TBC1D9: variants seen among roughly 807,000 people sequenced by gnomAD.
The protein encoded by TBC1D9 is TBC1 domain family member 9A.
In TBC1D9, 63 loss-of-function variants were observed where a neutral mutation model predicts 132.0. The ratio of observed to expected loss-of-function variants is 0.48; its 90% CI spans 0.39 to 0.59. The LOEUF (loss-of-function observed/expected upper bound fraction) is 0.59, where lower values mean the gene tolerates loss of function less well. TBC1D9 is among the 20% of genes least tolerant of loss of function. The pLI, the probability that TBC1D9 is intolerant of heterozygous loss-of-function variation, is 0.00. For missense variants in TBC1D9, 1,261 were observed against 1,592.7 expected (o/e 0.79, Z 3.54); for synonymous variants, 610 against 609.9 (o/e 1.00, Z 0.00).
At chr4:140,675,232 G>A (rs1429486992) in intron 6 of TBC1D9, among the ~76,000 whole-genome samples, 1 of 77,602 alleles carries the variant, frequency 1.3e-5, no homozygotes, top group Admixed American at 1.1e-4. Context: ...TTATTTGTCT[G>A]TATTTTACAA....
At chr4:140,731,891 A>C (rs1418500953) in intron 1 of TBC1D9, among the ~76,000 whole-genome samples, 1 of 152,188 alleles carries the variant, frequency 6.6e-6, no homozygotes. Flanking sequence ...AATGTGCCTT[A>C]ACTGGTATAT....
chr4:140,740,563 CTAAT>C (rs1738743647), intron 1 of TBC1D9, among the ~76,000 whole-genome samples: 2 of 152,188 alleles, frequency 1.3e-5, no homozygotes, highest in African/African-American at 4.8e-5. Context: ...TCACTAGGCA[CTAAT>C]TAAAGTGTCC....
intron 13 of TBC1D9, chr4:140,642,708 C>G (rs1304451691): frequency 1.5e-6 from 1 of 661,492 alleles, no homozygotes; most frequent in Non-Finnish European, 2.7e-6. Context: ...TTGTGTTCCT[C>G]CTTGGGCCCT....
At chr4:140,724,112 A>G (rs1738463355) in intron 1 of TBC1D9, among the ~76,000 whole-genome samples, 1 of 152,200 alleles carries the variant, frequency 6.6e-6, no homozygotes, top group South Asian at 2.1e-4. Flanking sequence ...TTGAGATACT[A>G]AATGTCATAA....
chr4:140,679,711 A>G lies in TBC1D9; in HGVS notation c.493T>C (p.Ser165Pro), dbSNP rs1385082764. The G allele has an allele frequency of 1.2e-6, 2 of 1,613,824 alleles. No individual in the cohort carries two copies. The highest frequency in any genetic ancestry group is 2.2e-5 in the South Asian group (2 of 91,070). The stretch of plus-strand genomic sequence containing the variant: ...ACCTTCCCCTTCCAATAGCTGCAAG[A>G]GTAATAGTTGACGAGTTTCTCTTCC... ...PEEEKLVNYY[S>P]CSYWKGKVPR... Residue 165 changes from serine (S) to proline (P), a missense_variant, in exon 4 of 21, where the codon TCT becomes CCT. Around this residue, in one of 3 missense-constraint regions of TBC1D9, gnomAD observed 550 missense variants for 699.0 expected, o/e 0.79. Coordinates refer to ENST00000442267, the MANE Select transcript of TBC1D9 (RefSeq NM_015130.3).
intron 13 of TBC1D9, among the ~76,000 whole-genome samples, chr4:140,640,450 G>A (rs182826297): frequency 6.7e-6 from 1 of 148,166 alleles, no homozygotes; most frequent in Admixed American, 6.7e-5. Context: ...GGTGGGGTGG[G>A]GGGGGGAGTA....
At chr4:140,632,624 C>T (rs1024458681) in intron 16 of TBC1D9, among the ~76,000 whole-genome samples, 1 of 152,144 alleles carries the variant, frequency 6.6e-6, no homozygotes, top group African/African-American at 2.4e-5. Flanking sequence ...CAACAAGTTA[C>T]TTTAACTTTT....
intron 2 of TBC1D9, among the ~76,000 whole-genome samples, chr4:140,687,356 A>G (rs199636753): frequency 0.37 from 30,164 of 81,824 alleles, 6,622 homozygotes; most frequent in African/African-American, 0.55. Flanking sequence ...ATATATATAT[A>G]TATATATATA....
intron 1 of TBC1D9, among the ~76,000 whole-genome samples, chr4:140,745,689 T>G (rs1394114080): frequency 6.6e-6 from 1 of 152,218 alleles, no homozygotes; most frequent in Admixed American, 6.5e-5. Context: ...GTAAGGCTTC[T>G]GGTCAACAGT....
intron 13 of TBC1D9, chr4:140,642,847 C>T (rs1013609656): frequency 8.6e-6 from 5 of 578,128 alleles, no homozygotes; most frequent in Non-Finnish European, 1.2e-5. Flanking sequence ...CTCTCGGGGG[C>T]GTGGGTCTGT....
chr4:140,627,059 T>G (rs564596057), intron 18 of TBC1D9, among the ~76,000 whole-genome samples: 115 of 152,390 alleles, frequency 7.5e-4, no homozygotes, highest in African/African-American at 2.6e-3. Flanking sequence ...GGCTATAGTT[T>G]GCCAACTTCT....
At chr4:140,645,107 G>A (rs987605190) in intron 13 of TBC1D9, 5 of 549,888 alleles carry the variant, frequency 9.1e-6, no homozygotes, top group African/African-American at 7.7e-5. Context: ...TGGGGTTCAG[G>A]CCTTTAGGAG....
At chr4:140,651,656 T>G (rs1737189109) in intron 13 of TBC1D9, among the ~76,000 whole-genome samples, 1 of 152,158 alleles carries the variant, frequency 6.6e-6, no homozygotes, top group Non-Finnish European at 1.5e-5. Flanking sequence ...TAGAGACACA[T>G]AATGAAGAAT....
intron 13 of TBC1D9, among the ~76,000 whole-genome samples, chr4:140,656,119 G>A (rs1423142544): frequency 6.6e-6 from 1 of 152,202 alleles, no homozygotes; most frequent in Non-Finnish European, 1.5e-5. Flanking sequence ...AGCTAGCACA[G>A]AACTACTTAC....
intron 3 of TBC1D9, 75 bp downstream of exon 3, chr4:140,686,269 C>T (rs1737777957): frequency 3.1e-6 from 3 of 981,038 alleles, no homozygotes; most frequent in African/African-American, 3.2e-5. Context: ...ATGTTTTACT[C>T]AATTCTTATT....
chr4:140,705,161 G>A (rs1384848765), intron 1 of TBC1D9, among the ~76,000 whole-genome samples: 1 of 152,156 alleles, frequency 6.6e-6, no homozygotes, highest in Non-Finnish European at 1.5e-5. Flanking sequence ...TATTAACCCA[G>A]AAGTGCTGAG....
At chr4:140,675,325 G>A (rs568229047) in intron 6 of TBC1D9, among the ~76,000 whole-genome samples, 27 of 152,116 alleles carry the variant, frequency 1.8e-4, no homozygotes, top group Admixed American at 5.9e-4. Context: ...AAAAGATAAA[G>A]AAGGCAGAGA....
At chr4:140,746,166 C>T (rs886597815) in intron 1 of TBC1D9, among the ~76,000 whole-genome samples, 16 of 152,198 alleles carry the variant, frequency 1.1e-4, no homozygotes, top group Non-Finnish European at 1.8e-4. Flanking sequence ...TGTGACCCAA[C>T]AAAAACTGGC....
At chr4:140,636,869 C>T (rs1043514080) in intron 15 of TBC1D9, among the ~76,000 whole-genome samples, 6 of 152,192 alleles carry the variant, frequency 3.9e-5, no homozygotes, top group African/African-American at 1.2e-4. Context: ...TCTGTCCCAC[C>T]TGACACCAAC....
Sources: allele counts gnomAD v4.1 joint callset (sites outside exome capture counted in the v4.1 genomes callset), GRCh38; gene constraint gnomAD v4.1.1; regional missense constraint gnomAD v4.1.1; transcripts MANE v1.5; gene names NCBI Gene and HGNC (gene_info 2026-07-23, HGNC 2026-07-21).